The following SNAPC1 variants were observed in gnomAD, a reference collection of about 807,000 sequenced individuals.
SNAPC1 encodes the protein small nuclear RNA activating complex polypeptide 1, also known as snRNA-activating protein complex subunit 1.
In SNAPC1, 42 loss-of-function variants were observed where a neutral mutation model predicts 50.1. That is an observed-to-expected ratio of 0.84 (90% CI 0.65 to 1.08). The LOEUF (loss-of-function observed/expected upper bound fraction) is 1.08, where lower values mean the gene tolerates loss of function less well. Ranked by LOEUF, SNAPC1 falls within the 50% of genes least tolerant of loss-of-function variation. The probability of loss-of-function intolerance (pLI) is 0.00; values close to 1 mark genes in which losing one functional copy is unlikely to be tolerated. For missense variants in SNAPC1, 477 were observed against 427.3 expected, an observed-to-expected ratio of 1.12 and a Z score of -1.02; for synonymous variants, 164 against 144.2, an observed-to-expected ratio of 1.14 and a Z score of -0.98.
chr14:61,795,636 G>T lies in SNAPC1; in HGVS notation c.*653G>T, dbSNP rs1388457219. The T allele has an allele frequency of 1.3e-5, 2 of 151,668 alleles. No individual in the cohort carries two copies. The highest frequency in any genetic ancestry group is 4.2e-4 in the South Asian group (2 of 4,808). 9.4% of individuals were successfully genotyped at this position (151,668 alleles called of 1,614,324 possible). On this transcript the variant is annotated 3_prime_UTR_variant, in exon 10 of 10. Transcript: ENST00000216294. ...AAATACTAATGTATTAAGTATTTAA[G>T]TACTTTCTAATAAAATCTTTAACAA...
At chr14:61,778,021 T>C in intron 5 of SNAPC1, 51 bp from the exon 6 acceptor site, 1 of 837,854 alleles carries the variant, frequency 1.2e-6, no homozygotes, top group Non-Finnish European at 1.8e-6. Flanking sequence ...GTTAATTGAA[T>C]TGTAAATTTG....
At chr14:61,783,835 G>T (rs1425477302) in intron 8 of SNAPC1, among the ~76,000 whole-genome samples, 1 of 152,082 alleles carries the variant, frequency 6.6e-6, no homozygotes, top group Non-Finnish European at 1.5e-5. Flanking sequence ...ACCGCACCTG[G>T]CAATAGTTTG....
intron 7 of SNAPC1, 54 bp downstream of exon 7, chr14:61,778,964 T>C (rs1308933786): frequency 7.2e-6 from 7 of 974,490 alleles, no homozygotes; most frequent in Non-Finnish European, 1.1e-5. Flanking sequence ...TTAAATTATA[T>C]TTCAATTTTT....
chr14:61,765,336 G>T (rs976838510), intron 1 of SNAPC1, among the ~76,000 whole-genome samples: 1 of 152,200 alleles, frequency 6.6e-6, no homozygotes, highest in African/African-American at 2.4e-5. Context: ...ATTTTGCCAA[G>T]GTTGAGGACG....
intron 4 of SNAPC1, 81 bp downstream of exon 4, chr14:61,768,821 C>A: frequency 1.5e-6 from 1 of 676,748 alleles, no homozygotes; most frequent in Non-Finnish European, 2.6e-6. Context: ...CCTTCATCTA[C>A]TGGATACTGA....
intron 7 of SNAPC1, among the ~76,000 whole-genome samples, chr14:61,780,657 TTTG>T (rs1471853370): frequency 6.6e-6 from 1 of 152,222 alleles, no homozygotes; most frequent in Non-Finnish European, 1.5e-5. Flanking sequence ...TGTTGTTTCT[TTTG>T]TTGTACAGAA....
At position 61,795,685 on chromosome 14, in the gene SNAPC1, G is replaced by C. The variant is rs541414428; in HGVS notation, c.*702G>C. ...AATAATAATGTAAATTTCAGAATGT[G>C]TCTCTGGTACAGAATAGTTGATATT... On this transcript the variant is annotated 3_prime_UTR_variant, in exon 10 of 10. Coordinates refer to ENST00000216294, the MANE Select transcript of SNAPC1 (RefSeq NM_003082.4). The C allele has an allele frequency of 1.3e-5, 2 of 151,762 alleles. No homozygotes were observed. The highest frequency in any genetic ancestry group is 4.8e-5 in the African/African-American group (2 of 41,412). The allele number at this position is 151,762 out of a possible 1,614,324, so 9.4% of individuals were successfully genotyped here. A position where few individuals can be genotyped will look rare whatever the true frequency, so the allele number is the denominator to read the frequency against.
At chr14:61,788,919 G>A (rs969368898) in intron 8 of SNAPC1, among the ~76,000 whole-genome samples, 7 of 152,108 alleles carry the variant, frequency 4.6e-5, no homozygotes, top group African/African-American at 1.2e-4. Flanking sequence ...TCCATACAAA[G>A]GAATACTTTG....
At chr14:61,775,713 T>A (rs2045030646) in intron 4 of SNAPC1, among the ~76,000 whole-genome samples, 1 of 152,224 alleles carries the variant, frequency 6.6e-6, no homozygotes, top group Non-Finnish European at 1.5e-5. Context: ...ATTCTTGATG[T>A]GACAATATGA....
Position 61,782,331 on chromosome 14 carries a change from AC to A in SNAPC1, c.911del (p.Thr304IlefsTer10), listed in dbSNP as rs759237276. 14 of 1,613,654 alleles carry A rather than the reference AC, an allele frequency of 8.7e-6. No individual in the cohort carries two copies. The highest frequency in any genetic ancestry group is 1.2e-5 in the Non-Finnish European group (14 of 1,179,744). ...SASGQGQVKA[T>X]RKKEKKERLK... is the part of the protein sequence containing the mutation. Reference sequence around the variant, plus strand: ...ATCTGGTCAAGGGCAAGTCAAAGCAACTAGGAAAAAAGAGAAGAAAGAAAGA... The same window carrying A: ...ATCTGGTCAAGGGCAAGTCAAAGCAATAGGAAAAAAGAGAAGAAAGAAAGA... On this transcript the variant is annotated frameshift_variant, in exon 8 of 10. Transcript: ENST00000216294. LOFTEE classifies it high-confidence loss of function.
intron 1 of SNAPC1, among the ~76,000 whole-genome samples, chr14:61,764,728 T>A (rs1163180903): frequency 6.6e-6 from 1 of 152,224 alleles, no homozygotes; most frequent in Non-Finnish European, 1.5e-5. Context: ...TTACATTTTC[T>A]AGTAGGGAGA....
At chr14:61,794,927 C>T in intron 9 of SNAPC1, 22 bp from the exon 10 acceptor site, 1 of 1,541,334 alleles carries the variant, frequency 6.5e-7, no homozygotes. Flanking sequence ...ATCTGACTGA[C>T]TTTTAAACTT....
At chr14:61,769,915 A>C (rs772570340) in intron 4 of SNAPC1, among the ~76,000 whole-genome samples, 4 of 152,184 alleles carry the variant, frequency 2.6e-5, no homozygotes, top group Non-Finnish European at 5.9e-5. Flanking sequence ...CAAATCAATG[A>C]TATTTCAAAA....
chr14:61,788,999 G>A (rs903751800), intron 8 of SNAPC1, among the ~76,000 whole-genome samples: 2 of 152,188 alleles, frequency 1.3e-5, no homozygotes, highest in Non-Finnish European at 2.9e-5. Context: ...TTGGGAGGCC[G>A]AGGCAGGCAG....
At chr14:61,770,598 A>G (rs1446897437) in intron 4 of SNAPC1, among the ~76,000 whole-genome samples, 2 of 151,964 alleles carry the variant, frequency 1.3e-5, no homozygotes, top group African/African-American at 2.4e-5. Flanking sequence ...TCAGGTAGCA[A>G]ATTGATTTTT....
intron 4 of SNAPC1, among the ~76,000 whole-genome samples, chr14:61,769,664 T>C (rs1364746211): frequency 6.6e-6 from 1 of 152,194 alleles, no homozygotes; most frequent in African/African-American, 2.4e-5. Flanking sequence ...CCCAAAGTGC[T>C]GGGATTACAG....
In SNAPC1 at chr14:61,773,397, GTT is replaced by G. The variant is rs58782943; in HGVS notation, c.535-2676_535-2675del. 8.4e-3 allele frequency among the ~76,000 whole-genome samples: 831 copies of G among 99,246 alleles called. 3 individuals carry two copies. The highest frequency in any genetic ancestry group is 0.058 in the Middle Eastern group (7 of 120). The allele number at this position is 99,246 out of a possible 152,430, so 65.1% of individuals were successfully genotyped here. ...CTGCAGAGAAGGTGGTATTTCCTTA[GTT>G]TTTTTTTTTTTTTTTTTTTTTGAGA... On this transcript the variant is annotated intron_variant, in intron 4 of 9. Coordinates refer to ENST00000216294, the MANE Select transcript of SNAPC1 (RefSeq NM_003082.4).
intron 8 of SNAPC1, 84 bp downstream of exon 8, chr14:61,782,481 A>G: frequency 1.0e-6 from 1 of 988,702 alleles, no homozygotes; most frequent in Non-Finnish European, 1.5e-6. Flanking sequence ...TTCCTTGTTA[A>G]GAAGGATTAG....
At chr14:61,765,956 T>G (rs553406634) in intron 1 of SNAPC1, among the ~76,000 whole-genome samples, 1 of 152,166 alleles carries the variant, frequency 6.6e-6, no homozygotes, top group Non-Finnish European at 1.5e-5. Context: ...CAGAGGAGAT[T>G]TAGTGCAAAT....
Sources: gnomAD v4.1 joint callset for allele counts (sites outside exome capture counted in the v4.1 genomes callset) on GRCh38, gnomAD v4.1.1 for gene constraint, MANE v1.5 for transcripts, NCBI Gene and HGNC (gene_info 2026-07-23, HGNC 2026-07-21) for gene names.